The following NPAS3 variants were observed in gnomAD, a reference collection of about 807,000 sequenced individuals.
NPAS3 encodes the protein neuronal PAS domain protein 3, also known as neuronal PAS domain-containing protein 3.
A neutral mutation model predicts 73.1 loss-of-function variants in NPAS3; 14 were observed. That is an observed-to-expected ratio of 0.19 (90% CI 0.13 to 0.30). NPAS3 has a LOEUF of 0.30. Among genes scored for constraint, NPAS3 ranks in the 10% least tolerant of loss-of-function variants. The pLI is 1.00. For missense variants in NPAS3, 1,096 were observed against 1,250.0 expected, an observed-to-expected ratio of 0.88 and a Z score of 1.86; for synonymous variants, 620 against 541.5, an observed-to-expected ratio of 1.14 and a Z score of -2.01.
intron 4 of NPAS3, among the ~76,000 whole-genome samples, chr14:33,480,839 G>C (rs931116083): frequency 2.0e-5 from 3 of 151,974 alleles, no homozygotes; most frequent in Non-Finnish European, 4.4e-5. Context: ...TGCATTGACA[G>C]TGATGCTTAT....
At chr14:33,076,330 A>G (rs2184624) in intron 2 of NPAS3, among the ~76,000 whole-genome samples, 16,124 of 152,208 alleles carry the variant, frequency 0.11, 1,525 homozygotes, top group African/African-American at 0.25. Context: ...TTATTTTCCC[A>G]TAGATACCAT....
intron 2 of NPAS3, among the ~76,000 whole-genome samples, chr14:33,111,119 C>T (rs770008668): frequency 2.6e-5 from 4 of 152,178 alleles, no homozygotes; most frequent in Admixed American, 1.3e-4. Flanking sequence ...AGCTGCTGCC[C>T]TTGGAAGGCT....
chr14:33,722,790 A>G (rs1249901845), intron 6 of NPAS3, among the ~76,000 whole-genome samples: 1 of 152,200 alleles, frequency 6.6e-6, no homozygotes. Context: ...GTTACTAAGA[A>G]TATTCTCCAA....
At chr14:33,740,659 TCGGTGCTTTACTAAAA>T (rs2061633342) in intron 7 of NPAS3, among the ~76,000 whole-genome samples, 1 of 152,242 alleles carries the variant, frequency 6.6e-6, no homozygotes, top group Admixed American at 6.5e-5. Flanking sequence ...CAAATCTTTA[TCGGTGCTTTACTAAAA>T]CTGAAACATA....
chr14:33,478,150 G>A (rs1210401203), intron 4 of NPAS3, among the ~76,000 whole-genome samples: 1 of 152,104 alleles, frequency 6.6e-6, no homozygotes, highest in African/African-American at 2.4e-5. Flanking sequence ...TCATTTCCTA[G>A]CATTTTATGG....
intron 1 of NPAS3, among the ~76,000 whole-genome samples, chr14:32,999,430 G>C (rs1266035774): frequency 6.6e-6 from 1 of 151,908 alleles, no homozygotes; most frequent in African/African-American, 2.4e-5. Flanking sequence ...AGAATGGTGT[G>C]AACCCGGGAG....
intron 5 of NPAS3, among the ~76,000 whole-genome samples, chr14:33,580,123 C>CATAT: frequency 6.6e-6 from 1 of 152,188 alleles, no homozygotes; most frequent in Admixed American, 6.5e-5. Flanking sequence ...GGTTGGTAAC[C>CATAT]ATTTTTAATA....
chr14:33,774,390 G>C (rs2062747546), exon 8 of NPAS3: 2 of 1,614,068 alleles, frequency 1.2e-6, no homozygotes, highest in Non-Finnish European at 1.7e-6. Context: ...CCCACGGGAG[G>C]ACCGTCCCCA....
rs377241676 is a variant in NPAS3 at position 33,649,373 on chromosome 14, T to C, written c.559-26838T>C. On this transcript the variant is annotated intron_variant, in intron 5 of 11. Transcript: ENST00000356141. The stretch of plus-strand genomic sequence containing the variant: ...ACATGACGCTGGAAACCAGCATAGT[T>C]ACACCATCGAGGGTTGCACAGGGCT... Among the ~76,000 whole-genome samples, 4 of 152,212 alleles carry C rather than the reference T, an allele frequency of 2.6e-5. No homozygotes were observed. In the East Asian group the frequency reaches 5.8e-4, roughly 22 times the overall value.
intron 1 of NPAS3, among the ~76,000 whole-genome samples, chr14:32,977,352 A>ACACG (rs879655843): frequency 4.6e-4 from 62 of 134,322 alleles, no homozygotes; most frequent in Non-Finnish European, 6.9e-4. Flanking sequence ...TTTGTCTCTG[A>ACACG]CACGCACACA....
At chr14:33,155,118 G>T (rs1860158460) in intron 2 of NPAS3, among the ~76,000 whole-genome samples, 1 of 152,304 alleles carries the variant, frequency 6.6e-6, no homozygotes, top group African/African-American at 2.4e-5. Flanking sequence ...ATAGTTTGCT[G>T]ATCTTGGTTT....
intron 6 of NPAS3, among the ~76,000 whole-genome samples, chr14:33,685,856 C>T (rs1430405581): frequency 1.3e-5 from 2 of 152,080 alleles, no homozygotes; most frequent in African/African-American, 2.4e-5. Flanking sequence ...GAAGAACTTG[C>T]CCCCACACCA....
chr14:33,535,108 A>G (rs575386131), intron 4 of NPAS3, among the ~76,000 whole-genome samples: 2 of 152,350 alleles, frequency 1.3e-5, no homozygotes, highest in South Asian at 2.1e-4. Context: ...TTGAGCCTTT[A>G]TCATAGAACA....
At chr14:33,178,914 C>T (rs1249527052) in intron 2 of NPAS3, among the ~76,000 whole-genome samples, 2 of 152,158 alleles carry the variant, frequency 1.3e-5, no homozygotes, top group Admixed American at 6.5e-5. Flanking sequence ...AGAAAGCTTT[C>T]AGTCTTCCCA....
At chr14:33,516,772 G>GTGATGA (rs939361132) in intron 4 of NPAS3, among the ~76,000 whole-genome samples, 1 of 151,974 alleles carries the variant, frequency 6.6e-6, no homozygotes, top group Non-Finnish European at 1.5e-5. Context: ...GATAATGATG[G>GTGATGA]TGATGATGAT....
chr14:33,352,764 T>C (rs751249565), intron 3 of NPAS3, among the ~76,000 whole-genome samples: 2 of 152,204 alleles, frequency 1.3e-5, no homozygotes, highest in Non-Finnish European at 2.9e-5. Flanking sequence ...TGGAAGAAAT[T>C]ATTTCTAAAA....
chr14:33,518,002 A>C (rs2140073722), intron 4 of NPAS3, among the ~76,000 whole-genome samples: 1 of 152,196 alleles, frequency 6.6e-6, no homozygotes, highest in African/African-American at 2.4e-5. Context: ...AACATCCACC[A>C]CGTACCAGAG....
chr14:33,576,317 T>C (rs2056431472), intron 5 of NPAS3, among the ~76,000 whole-genome samples: 1 of 152,202 alleles, frequency 6.6e-6, no homozygotes, highest in African/African-American at 2.4e-5. Context: ...GAATACAGGT[T>C]TTGTGCTGAT....
At chr14:33,317,660 T>C (rs1192972289) in intron 3 of NPAS3, among the ~76,000 whole-genome samples, 1 of 152,066 alleles carries the variant, frequency 6.6e-6, no homozygotes. Flanking sequence ...TTCTCCTTCC[T>C]GCCACTGTGT....
Sources: gnomAD v4.1 joint callset for allele counts (sites outside exome capture counted in the v4.1 genomes callset) on GRCh38, gnomAD v4.1.1 for gene constraint, MANE v1.5 for transcripts, NCBI Gene and HGNC (gene_info 2026-07-23, HGNC 2026-07-21) for gene names.